SASH1: variants seen among roughly 807,000 people sequenced by gnomAD.
SASH1 encodes SAM and SH3 domain containing 1.
Under a neutral mutation model 125.2 loss-of-function variants are expected in SASH1, and 44 were observed. The observed-to-expected ratio is 0.35, with a 90% CI of 0.28 to 0.45. SASH1 has a LOEUF of 0.45. Among genes scored for constraint, SASH1 ranks in the 20% least tolerant of loss-of-function variants. SASH1 has a pLI of 1.00. For synonymous variants in SASH1, 639 were observed against 649.1 expected (o/e 0.98, Z 0.24); for missense variants, 1,426 against 1,614.5 (o/e 0.88, Z 2.00).
intron 1 of SASH1, among the ~76,000 whole-genome samples, chr6:148,285,205 G>A (rs1779450925): frequency 6.6e-6 from 1 of 152,210 alleles, no homozygotes; most frequent in Admixed American, 6.5e-5. Flanking sequence ...AAAAAGGGAG[G>A]GAGGGAAATG....
chr6:148,411,778 A>G (rs1784641151), intron 2 of SASH1, among the ~76,000 whole-genome samples: 1 of 152,190 alleles, frequency 6.6e-6, no homozygotes, highest in African/African-American at 2.4e-5. Flanking sequence ...TCCTGACCTC[A>G]AGTGATCTGC....
At chr6:148,280,645 A>G (rs1779312943) in intron 1 of SASH1, among the ~76,000 whole-genome samples, 1 of 152,090 alleles carries the variant, frequency 6.6e-6, no homozygotes, top group South Asian at 2.1e-4. Context: ...CCGTCCCTAC[A>G]AAAAGAAAAA....
intron 1 of SASH1, among the ~76,000 whole-genome samples, chr6:148,354,224 T>G (rs769200270): frequency 2.2e-4 from 34 of 152,280 alleles, no homozygotes; most frequent in Non-Finnish European, 4.6e-4. Flanking sequence ...TGAATGCTTT[T>G]GAATAGCCAA....
intron 10 of SASH1, among the ~76,000 whole-genome samples, chr6:148,521,935 G>A (rs984602038): frequency 1.3e-5 from 2 of 152,152 alleles, no homozygotes; most frequent in Admixed American, 1.3e-4. Context: ...TTGTTGATGT[G>A]CCTCTCATGT....
At chr6:148,304,588 C>T (rs1490731373) in intron 1 of SASH1, among the ~76,000 whole-genome samples, 2 of 151,642 alleles carry the variant, frequency 1.3e-5, no homozygotes, top group African/African-American at 2.4e-5. Flanking sequence ...CCAGCATGGG[C>T]GACAGAGTGA....
intron 2 of SASH1, among the ~76,000 whole-genome samples, chr6:148,400,425 C>G (rs1038330162): frequency 6.6e-6 from 1 of 152,226 alleles, no homozygotes; most frequent in Non-Finnish European, 1.5e-5. Context: ...CACCACAGCT[C>G]CTGTACACCG....
At chr6:148,213,533 T>TGTGTGTGTGTGTG in the SASH1 span, among the ~76,000 whole-genome samples, 2 of 151,374 alleles carry the variant, frequency 1.3e-5, no homozygotes, top group Non-Finnish European at 1.5e-5. Context: ...TGTGTGTGTG[T>TGTGTGTGTGTGTG]TTAAAGTGTT....
rs371374910 is a variant in SASH1, at chr6:148,399,214, C to CTTTTTTTTTTTTTTT, written c.285+8964_285+8978dup. 8.6e-4 allele frequency among the ~76,000 whole-genome samples: 92 copies of CTTTTTTTTTTTTTTT among 106,664 alleles called. 2 individuals are homozygous for CTTTTTTTTTTTTTTT. The highest frequency in any genetic ancestry group is 1.1e-3 in the Non-Finnish European group (59 of 53,318). 70.0% of individuals were successfully genotyped at this position (106,664 alleles called of 152,430 possible). ...AAATGTGCATCAACAATTTCAGCTT[C>CTTTTTTTTTTTTTTT]TTTTTTTTTTTTTTTTTTTTTTTTT... On this transcript the variant is annotated intron_variant, in intron 2 of 19. Coordinates refer to ENST00000367467, the MANE Select transcript of SASH1 (RefSeq NM_015278.5).
intron 4 of SASH1, among the ~76,000 whole-genome samples, chr6:148,449,617 C>A (rs1355750514): frequency 1.3e-5 from 2 of 151,880 alleles, no homozygotes; most frequent in Non-Finnish European, 2.9e-5. Context: ...GAACTCCCGA[C>A]CTCAGGTGAT....
chr6:148,247,033 G>C, the SASH1 span, among the ~76,000 whole-genome samples: 1 of 152,166 alleles, frequency 6.6e-6, no homozygotes, highest in South Asian at 2.1e-4. Context: ...AGAAGGCCAA[G>C]GGCGATGGAA....
chr6:148,530,801 C>T (rs911705525), intron 12 of SASH1, among the ~76,000 whole-genome samples: 1 of 152,152 alleles, frequency 6.6e-6, no homozygotes, highest in Non-Finnish European at 1.5e-5. Context: ...AATGAGGAGC[C>T]GCTGAGAGGA....
the SASH1 span, among the ~76,000 whole-genome samples, chr6:148,247,495 C>A: frequency 1.3e-5 from 2 of 152,176 alleles, no homozygotes; most frequent in Non-Finnish European, 2.9e-5. Context: ...GGACAGTGAG[C>A]ACCTTCAGGC....
intron 1 of SASH1, among the ~76,000 whole-genome samples, chr6:148,336,091 C>T (rs1781144803): frequency 6.6e-6 from 1 of 151,760 alleles, no homozygotes; most frequent in Non-Finnish European, 1.5e-5. Context: ...AACAACTGGC[C>T]CAATATAGGA....
intron 11 of SASH1, among the ~76,000 whole-genome samples, chr6:148,526,482 A>AT (rs1165576037): frequency 6.6e-6 from 1 of 152,248 alleles, no homozygotes; most frequent in Non-Finnish European, 1.5e-5. Context: ...CACCTGGGAT[A>AT]TATATGAAAT....
intron 2 of SASH1, among the ~76,000 whole-genome samples, chr6:148,428,930 G>T (rs1286074080): frequency 6.6e-6 from 1 of 152,122 alleles, no homozygotes; most frequent in Non-Finnish European, 1.5e-5. Context: ...AGAGCTTATG[G>T]GGGTCCAGAA....
intron 2 of SASH1, among the ~76,000 whole-genome samples, chr6:148,408,361 C>T (rs1784465991): frequency 6.6e-6 from 1 of 152,026 alleles, no homozygotes; most frequent in Non-Finnish European, 1.5e-5. Flanking sequence ...CCGCCTCAGC[C>T]TCCCAGAGTG....
intron 1 of SASH1, among the ~76,000 whole-genome samples, chr6:148,364,997 C>G (rs1782392681): frequency 1.3e-5 from 2 of 152,022 alleles, no homozygotes; most frequent in South Asian, 2.1e-4. Context: ...GTGGTATGTG[C>G]CTGTAATCCC....
Position 148,533,079 on chromosome 6 carries a change from A to G in SASH1, c.1734+113A>G. On this transcript the variant is annotated intron_variant, in intron 14 of 19. Transcript: ENST00000367467. This position sits in a 1 kb window ranked among gnomAD's most constrained non-coding sequence, Gnocchi z 6.2. ...GCTACTATGGTACAGACTGGACAGT[A>G]TCTTGGCTACCTCGATCACTGGTCT... is the stretch of plus-strand genomic sequence containing the variant. 3.4e-6 allele frequency: 4 copies of G among 1,187,058 alleles called. No homozygotes were observed. The highest frequency in any genetic ancestry group is 4.8e-6 in the Non-Finnish European group (4 of 827,998). 73.5% of individuals were successfully genotyped at this position (1,187,058 alleles called of 1,614,324 possible). A position where few individuals can be genotyped will look rare whatever the true frequency, so the allele number is the denominator to read the frequency against.
the SASH1 span, among the ~76,000 whole-genome samples, chr6:148,234,238 G>T: frequency 6.6e-6 from 1 of 151,904 alleles, no homozygotes; most frequent in Admixed American, 6.6e-5. Context: ...TCCTAAGCTT[G>T]CCTTAGAATT....
Sources: gnomAD v4.1 joint callset for allele counts (sites outside exome capture counted in the v4.1 genomes callset) on GRCh38, gnomAD v4.1.1 for gene constraint, Gnocchi (gnomAD v3.1) non-coding constraint, MANE v1.5 for transcripts, NCBI Gene and HGNC (gene_info 2026-07-23, HGNC 2026-07-21) for gene names.